TNNI3K: variants seen among roughly 807,000 people sequenced by gnomAD.
TNNI3K encodes TNNI3 interacting kinase, also known as serine/threonine-protein kinase TNNI3K.
A neutral mutation model predicts 114.5 loss-of-function variants in TNNI3K; 140 were observed. The observed-to-expected ratio is 1.22, with a 90% CI of 1.07 to 1.41. TNNI3K has a LOEUF of 1.41. TNNI3K is among the 40% of genes most tolerant of loss of function. The pLI is 0.00. For missense variants in TNNI3K, 1,125 were observed against 1,007.6 expected (o/e 1.12, Z -1.58); for synonymous variants, 347 against 347.5 (o/e 1.00, Z 0.02).
At chr1:74,265,577 A>G (rs1208519018) in intron 4 of TNNI3K, among the ~76,000 whole-genome samples, 2 of 152,062 alleles carry the variant, frequency 1.3e-5, no homozygotes, top group African/African-American at 4.8e-5. Context: ...ACACATGAGG[A>G]AATGCTCATG....
chr1:74,486,478 C>CT (rs1314252603), intron 21 of TNNI3K, among the ~76,000 whole-genome samples: 2 of 143,056 alleles, frequency 1.4e-5, no homozygotes, highest in East Asian at 2.1e-4. Context: ...AACATCATCA[C>CT]TTTTTTTGTG....
At chr1:74,538,662 C>G (rs943818993) in intron 23 of TNNI3K, among the ~76,000 whole-genome samples, 4 of 152,140 alleles carry the variant, frequency 2.6e-5, no homozygotes, top group African/African-American at 7.2e-5. Flanking sequence ...ATTCTTGGCT[C>G]CTCTGCCATT....
intron 21 of TNNI3K, chr1:74,470,185 G>A: frequency 2.5e-6 from 1 of 400,654 alleles, no homozygotes; most frequent in Non-Finnish European, 4.4e-6. Flanking sequence ...GGTTTCATGG[G>A]AACTTGTGAT....
rs530645941 is a variant in TNNI3K, at chr1:74,344,674, T to C, written c.932+1495T>C. On this transcript the variant is annotated intron_variant, in intron 9 of 24. Transcript: ENST00000326637. Reference sequence around the variant, plus strand: ...GCTAGTTTTCAAATCATTTTGCTACTTCATGCACTAAAATTAAAACCAACT... The same window carrying C: ...GCTAGTTTTCAAATCATTTTGCTACCTCATGCACTAAAATTAAAACCAACT... Among the ~76,000 whole-genome samples, 3 of 152,296 alleles carry C rather than the reference T, an allele frequency of 2.0e-5. No individual in the cohort carries two copies. In the South Asian group the frequency reaches 6.2e-4, roughly 32 times the overall value.
At chr1:74,318,275 G>T (rs942842177) in intron 5 of TNNI3K, among the ~76,000 whole-genome samples, 1 of 152,168 alleles carries the variant, frequency 6.6e-6, no homozygotes, top group South Asian at 2.1e-4. Flanking sequence ...AAATCCCTAA[G>T]GAGCTATTTT....
chr1:74,295,737 T>G (rs1657939505), intron 5 of TNNI3K, among the ~76,000 whole-genome samples: 1 of 152,314 alleles, frequency 6.6e-6, no homozygotes, highest in South Asian at 2.1e-4. Context: ...ACTTTTTGCA[T>G]CTTTATATTT....
At chr1:74,479,102 A>T (rs1668349783) in intron 21 of TNNI3K, among the ~76,000 whole-genome samples, 1 of 152,178 alleles carries the variant, frequency 6.6e-6, no homozygotes, top group Non-Finnish European at 1.5e-5. Flanking sequence ...TATAGCACAT[A>T]TTTAAAATAC....
At position 74,436,486 on chromosome 1, in the gene TNNI3K, TAC is replaced by T. The variant is rs1450551622; in HGVS notation, c.1840_1841del (p.Gln614ValfsTer4). 3.2e-6 allele frequency: 5 copies of T among 1,583,632 alleles called. No homozygotes were observed. The highest frequency in any genetic ancestry group is 4.3e-6 in the Non-Finnish European group (5 of 1,172,236). ...CTCTTTCCCTCAGAATCAAGATTTC[TAC>T]AGTCTCTGGATGAAGACAACATGAC... On this transcript the variant is annotated frameshift_variant, in exon 19 of 25. Coordinates refer to ENST00000326637, the MANE Select transcript of TNNI3K (RefSeq NM_015978.3). LOFTEE classifies it high-confidence loss of function.
chr1:74,359,898 C>G (rs1266814961), intron 11 of TNNI3K, among the ~76,000 whole-genome samples: 1 of 151,760 alleles, frequency 6.6e-6, no homozygotes, highest in African/African-American at 2.4e-5. Context: ...TCATGATTCT[C>G]TTTCTTGTAC....
intron 21 of TNNI3K, among the ~76,000 whole-genome samples, chr1:74,484,755 G>C (rs956795608): frequency 2.0e-5 from 3 of 152,146 alleles, no homozygotes; most frequent in African/African-American, 7.2e-5. Context: ...GTATACCTTA[G>C]AGATGAATGC....
At chr1:74,314,254 G>A (rs1659171331) in intron 5 of TNNI3K, among the ~76,000 whole-genome samples, 1 of 151,124 alleles carries the variant, frequency 6.6e-6, no homozygotes, top group Non-Finnish European at 1.5e-5. Flanking sequence ...ATTGCTAAGG[G>A]TATATTTCAG....
At chr1:74,392,590 T>A (rs141705995) in intron 17 of TNNI3K, among the ~76,000 whole-genome samples, 165 of 152,348 alleles carry the variant, frequency 1.1e-3, no homozygotes, top group African/African-American at 3.8e-3. Flanking sequence ...AATTTCTTGC[T>A]GGAATGGATT....
intron 5 of TNNI3K, among the ~76,000 whole-genome samples, chr1:74,320,498 C>G (rs1399586211): frequency 6.6e-6 from 1 of 152,156 alleles, no homozygotes; most frequent in Non-Finnish European, 1.5e-5. Flanking sequence ...AAGAAAGTAT[C>G]TTGCAATATA....
chr1:74,361,245 A>G (rs1661950635), intron 11 of TNNI3K, among the ~76,000 whole-genome samples: 1 of 151,922 alleles, frequency 6.6e-6, no homozygotes, highest in Admixed American at 6.6e-5. Context: ...CTTTTCTCCT[A>G]CCTTTTTGCT....
rs745564978 is a variant in TNNI3K at position 74,236,164 on chromosome 1, C to T, written c.103C>T (p.Leu35=). The T allele has an allele frequency of 6.2e-7, 1 of 1,607,614 alleles. No individual in the cohort carries two copies. Among genetic ancestry groups the T allele is most frequent in the Non-Finnish European group, 8.5e-7 (1 of 1,175,788 alleles). The change falls in exon 2 of 25, where the codon CTG becomes TTG. Residue 35 remains leucine, a synonymous_variant. Coordinates refer to ENST00000326637, the MANE Select transcript of TNNI3K (RefSeq NM_015978.3). The part of the protein sequence containing the change: ...VITIERLEDD[L]QIKEKELTEL... Reference sequence around the variant, plus strand: ...CACAATAGAAAGATTAGAAGATGACCTGCAGATCAAGGAAAAAGAACTGAC... The same window carrying T: ...CACAATAGAAAGATTAGAAGATGACTTGCAGATCAAGGAAAAAGAACTGAC...
intron 9 of TNNI3K, among the ~76,000 whole-genome samples, chr1:74,351,257 T>C (rs1268782809): frequency 6.6e-6 from 1 of 151,556 alleles, no homozygotes; most frequent in Non-Finnish European, 1.5e-5. Flanking sequence ...AAATTCTGGG[T>C]TGAAAATTCT....
At chr1:74,467,116 C>T (rs570289417) in intron 21 of TNNI3K, among the ~76,000 whole-genome samples, 56 of 152,114 alleles carry the variant, frequency 3.7e-4, no homozygotes, top group African/African-American at 1.3e-3. Flanking sequence ...TGAAAGAAGG[C>T]GGCTTGGTGA....
intron 9 of TNNI3K, among the ~76,000 whole-genome samples, chr1:74,347,984 A>G (rs551517132): frequency 5.4e-4 from 83 of 152,296 alleles, no homozygotes; most frequent in Non-Finnish European, 9.4e-4. Flanking sequence ...TTTGCTGTGC[A>G]GAAGTTCTTT....
intron 4 of TNNI3K, among the ~76,000 whole-genome samples, chr1:74,261,462 A>T (rs1352444402): frequency 6.6e-6 from 1 of 152,032 alleles, no homozygotes; most frequent in Admixed American, 6.6e-5. Flanking sequence ...ATATAAGCAG[A>T]TTTTCTAATT....
Sources: allele counts gnomAD v4.1 joint callset (sites outside exome capture counted in the v4.1 genomes callset), GRCh38; gene constraint gnomAD v4.1.1; transcripts MANE v1.5; gene names NCBI Gene and HGNC (gene_info 2026-07-23, HGNC 2026-07-21).